The following CLIP2 variants were observed in gnomAD, a reference collection of about 807,000 sequenced individuals.
CLIP2 encodes the protein CAP-Gly domain containing linker protein 2.
CLIP2 carries 41 observed loss-of-function variants against 111.7 expected under a neutral mutation model. The ratio of observed to expected loss-of-function variants is 0.37; its 90% CI spans 0.29 to 0.48. CLIP2 has a LOEUF of 0.48. Among genes scored for constraint, CLIP2 ranks in the 20% least tolerant of loss-of-function variants. The probability of loss-of-function intolerance (pLI) is 0.99; values close to 1 mark genes in which losing one functional copy is unlikely to be tolerated. For synonymous variants in CLIP2, 660 were observed against 644.2 expected (o/e 1.02, Z -0.37); for missense variants, 1,160 against 1,422.1 (o/e 0.82, Z 2.96).
At chr7:74,403,781 C>G (rs369777026) in intron 16 of CLIP2, 56 bp from the exon 17 acceptor site, 27 of 1,606,806 alleles carry the variant, frequency 1.7e-5, no homozygotes, top group Non-Finnish European at 2.2e-5. Flanking sequence ...CCTCTGGCCG[C>G]CTGGCCCTCC....
chr7:74,364,808 G>A (rs908000664), intron 8 of CLIP2: 1 of 452,512 alleles, frequency 2.2e-6, no homozygotes. Context: ...GATCACTTGA[G>A]CCCAGAAGTT....
chr7:74,351,898 G>C (rs550299212), intron 3 of CLIP2, among the ~76,000 whole-genome samples: 1 of 152,130 alleles, frequency 6.6e-6, no homozygotes, highest in South Asian at 2.1e-4. Flanking sequence ...AGTAAACCAA[G>C]AAAGAAGAGT....
intron 8 of CLIP2, chr7:74,364,822 G>C (rs1554310478): frequency 4.4e-6 from 2 of 453,214 alleles, no homozygotes; most frequent in Admixed American, 4.7e-5. Flanking sequence ...AGAAGTTCAA[G>C]ACCAGCCTGG....
chr7:74,389,037 C>T, intron 12 of CLIP2, 66 bp from the exon 13 acceptor site: 7 of 1,532,234 alleles, frequency 4.6e-6, no homozygotes, highest in Non-Finnish European at 6.1e-6. Flanking sequence ...GGTCTTTGCC[C>T]TTGGGTGGGA....
At chr7:74,396,146 C>G (rs1041104003) in intron 13 of CLIP2, among the ~76,000 whole-genome samples, 2 of 152,238 alleles carry the variant, frequency 1.3e-5, no homozygotes, top group Admixed American at 1.3e-4. Flanking sequence ...GATCACTGCA[C>G]TGTTTCCTGC....
At chr7:74,289,877 G>A (rs1433229974) in intron 1 of CLIP2, 143 bp downstream of exon 1, 1 of 153,102 alleles carries the variant, frequency 6.5e-6, no homozygotes, top group African/African-American at 2.4e-5. Context: ...GAGGGTTCGA[G>A]GCCGGCCGGT....
intron 1 of CLIP2, among the ~76,000 whole-genome samples, chr7:74,303,757 C>T (rs1371969066): frequency 6.6e-6 from 1 of 150,916 alleles, no homozygotes; most frequent in East Asian, 2.0e-4. Context: ...ACTAAAAATA[C>T]AAAAATTAGC....
intron 6 of CLIP2, among the ~76,000 whole-genome samples, chr7:74,358,839 G>T (rs1018696416): frequency 6.6e-6 from 1 of 152,048 alleles, no homozygotes; most frequent in Non-Finnish European, 1.5e-5. Context: ...TCAAAGCACC[G>T]CGATTATAGG....
At chr7:74,386,482 A>T (rs781969978) in intron 11 of CLIP2, 39 bp from the exon 12 acceptor site, 3 of 1,569,776 alleles carry the variant, frequency 1.9e-6, no homozygotes, top group Admixed American at 1.7e-5. Context: ...GCTTTGGTCC[A>T]GGAGCATTGA....
In CLIP2 at chr7:74,307,821, G is replaced by T. The variant is rs573793656; in HGVS notation, c.-67-9659G>T. 4.5e-4 allele frequency among the ~76,000 whole-genome samples: 68 copies of T among 152,272 alleles called. No individual in the cohort carries two copies. In the South Asian group the frequency reaches 0.014, roughly 31 times the overall value. On this transcript the variant is annotated intron_variant, in intron 1 of 16. Transcript: ENST00000223398. ...AGGTTCTTCATACTGGAGGCTGCTG[G>T]GGGGTGGTTCAGGAGGGCTGGAGGT...
At chr7:74,402,171 C>CA (rs1240387810) in intron 16 of CLIP2, among the ~76,000 whole-genome samples, 8 of 150,134 alleles carry the variant, frequency 5.3e-5, no homozygotes, top group African/African-American at 1.2e-4. Context: ...ACTAAAAATA[C>CA]AAAAAAAAAT....
intron 16 of CLIP2, among the ~76,000 whole-genome samples, chr7:74,403,588 C>T (rs192151816): frequency 5.9e-5 from 9 of 152,216 alleles, no homozygotes; most frequent in Admixed American, 3.9e-4. Flanking sequence ...AACACACAAA[C>T]AAACAAAAAA....
chr7:74,392,882 G>T (rs548771477), intron 13 of CLIP2, among the ~76,000 whole-genome samples: 7 of 152,282 alleles, frequency 4.6e-5, no homozygotes, highest in African/African-American at 1.7e-4. Flanking sequence ...TAACAACACA[G>T]GACAGACTTC....
rs782654287 is a variant in CLIP2, at chr7:74,376,331, A to C, written c.1930A>C (p.Lys644Gln). The change falls in exon 10 of 17, where the codon AAG becomes CAG. Residue 644 changes from lysine to glutamine, a missense_variant. Physicochemically the swap from Lys to Gln is moderately conservative, Grantham distance 53 (BLOSUM62 1). Coordinates refer to ENST00000223398, the MANE Select transcript of CLIP2 (RefSeq NM_003388.5). This position sits in a 1 kb window ranked among gnomAD's most constrained non-coding sequence, Gnocchi z 7.1. ...GAACTCGGGCCCAGGCGCCCAGCAGAAGGAGATCGGCGAGCTGAAGGCAGT... is the reference window on the plus strand; with the variant it reads ...GAACTCGGGCCCAGGCGCCCAGCAGCAGGAGATCGGCGAGCTGAAGGCAGT... ...TLNSGPGAQQ[K>Q]EIGELKAVME... 113 of 1,613,790 alleles carry C rather than the reference A, an allele frequency of 7.0e-5. No homozygotes were observed. The highest frequency in any genetic ancestry group is 8.8e-5 in the Non-Finnish European group (104 of 1,179,996).
chr7:74,329,339 C>T (rs1157819107), intron 2 of CLIP2, among the ~76,000 whole-genome samples: 2 of 151,906 alleles, frequency 1.3e-5, no homozygotes, highest in Non-Finnish European at 2.9e-5. Context: ...GCCACCACAC[C>T]CGGCCAGCAT....
chr7:74,328,120 C>T (rs967044640), intron 2 of CLIP2, among the ~76,000 whole-genome samples: 5 of 151,998 alleles, frequency 3.3e-5, no homozygotes, highest in Non-Finnish European at 5.9e-5. Flanking sequence ...GAGTTTCAGA[C>T]GGACCCCTCC....
chr7:74,293,581 C>T (rs1788086896), intron 1 of CLIP2, among the ~76,000 whole-genome samples: 1 of 152,108 alleles, frequency 6.6e-6, no homozygotes, highest in Non-Finnish European at 1.5e-5. Context: ...CTGGGGCTGG[C>T]ACAGTTGGGA....
intron 1 of CLIP2, among the ~76,000 whole-genome samples, chr7:74,295,254 A>C (rs1788135609): frequency 6.6e-6 from 1 of 152,042 alleles, no homozygotes; most frequent in Admixed American, 6.6e-5. Flanking sequence ...GAGCCACTGC[A>C]CCCAGCTGGG....
At chr7:74,330,245 T>TTTC (rs1383781668) in intron 2 of CLIP2, among the ~76,000 whole-genome samples, 1 of 89,014 alleles carries the variant, frequency 1.1e-5, no homozygotes, top group East Asian at 2.6e-4. Flanking sequence ...TGGTGTTTCT[T>TTTC]TTCTTTTTTT....
Sources: allele counts gnomAD v4.1 joint callset (sites outside exome capture counted in the v4.1 genomes callset), GRCh38; gene constraint gnomAD v4.1.1; non-coding constraint Gnocchi (gnomAD v3.1); transcripts MANE v1.5; gene names NCBI Gene and HGNC (gene_info 2026-07-23, HGNC 2026-07-21).